MACROD2: variants seen among roughly 807,000 people sequenced by gnomAD.
MACROD2 encodes the protein mono-ADP ribosylhydrolase 2, also known as ADP-ribose glycohydrolase MACROD2.
In MACROD2, 36 loss-of-function variants were observed where a neutral mutation model predicts 70.4. The observed-to-expected ratio is 0.51, with a 90% CI of 0.39 to 0.68. The LOEUF (loss-of-function observed/expected upper bound fraction) is 0.68. Ranked by LOEUF, MACROD2 falls within the 30% of genes least tolerant of loss-of-function variation. The probability of loss-of-function intolerance (pLI) is 0.00; values close to 1 mark genes in which losing one functional copy is unlikely to be tolerated. For synonymous variants in MACROD2, 172 were observed against 178.8 expected (o/e 0.96, Z 0.30); for missense variants, 496 against 538.4 (o/e 0.92, Z 0.78).
At chr20:14,691,042 C>T (rs191992735) in intron 5 of MACROD2, among the ~76,000 whole-genome samples, 5 of 152,324 alleles carry the variant, frequency 3.3e-5, no homozygotes, top group Admixed American at 6.5e-5. Flanking sequence ...CTCATCCTCC[C>T]GAGTAGCTGG....
At chr20:14,345,679 G>A (rs982166628) in intron 3 of MACROD2, among the ~76,000 whole-genome samples, 3 of 152,058 alleles carry the variant, frequency 2.0e-5, no homozygotes, top group African/African-American at 4.8e-5. Flanking sequence ...ATCTGCCAGC[G>A]TTGGCCTCCC....
At chr20:15,794,506 G>A (rs1227256861) in intron 8 of MACROD2, among the ~76,000 whole-genome samples, 5 of 152,120 alleles carry the variant, frequency 3.3e-5, no homozygotes, top group African/African-American at 4.8e-5. Context: ...GTTCCCAAGG[G>A]AATGAATTCT....
intron 3 of MACROD2, among the ~76,000 whole-genome samples, chr20:14,465,260 T>G (rs376734151): frequency 1.3e-5 from 2 of 152,106 alleles, no homozygotes; most frequent in East Asian, 3.9e-4. Flanking sequence ...TAGTTCTTCT[T>G]GTTGAATTGA....
intron 14 of MACROD2, 71 bp from the exon 15 acceptor site, chr20:15,986,995 A>C: frequency 7.4e-7 from 1 of 1,345,278 alleles, no homozygotes; most frequent in Middle Eastern, 1.9e-4. Context: ...TTTCTATACC[A>C]TAGTCACAGT....
intron 5 of MACROD2, among the ~76,000 whole-genome samples, chr20:14,840,503 C>A (rs1264560628): frequency 6.6e-6 from 1 of 152,100 alleles, no homozygotes; most frequent in African/African-American, 2.4e-5. Flanking sequence ...TCTCAAAGTG[C>A]TAGGATTACA....
rs2076920922 is a variant in MACROD2, at chr20:15,227,823, G to GTTTTTGTTTTTTTTTTTT, written c.419-2112_419-2111insGTTTTTTTTTTTTTTTTT. 4.3e-5 allele frequency among the ~76,000 whole-genome samples: 2 copies of GTTTTTGTTTTTTTTTTTT among 46,092 alleles called. 1 individual carries two copies. The allele number at this position is 46,092 out of a possible 152,430, so 30.2% of individuals were successfully genotyped here. A position where few individuals can be genotyped will look rare whatever the true frequency, so the allele number is the denominator to read the frequency against. ...TAACTGGTGTGATAGAATTTCACCTGTTTTTTTTTTTTTTTTTTTTTTTTT... is the reference window on the plus strand; with the variant it reads ...TAACTGGTGTGATAGAATTTCACCTGTTTTTGTTTTTTTTTTTTTTTTTTTTTTTTTTTTTTTTTTTTT... On this transcript the variant is annotated intron_variant, in intron 5 of 17. Coordinates refer to ENST00000684519, the MANE Select transcript of MACROD2 (RefSeq NM_001351661.2).
At chr20:14,661,694 A>T (rs1304605684) in intron 4 of MACROD2, among the ~76,000 whole-genome samples, 2 of 151,744 alleles carry the variant, frequency 1.3e-5, no homozygotes, top group Non-Finnish European at 3.0e-5. Flanking sequence ...ATACACATTT[A>T]AAAAATATAT....
chr20:15,765,515 C>T (rs2051507926), intron 8 of MACROD2, among the ~76,000 whole-genome samples: 1 of 152,122 alleles, frequency 6.6e-6, no homozygotes, highest in Non-Finnish European at 1.5e-5. Flanking sequence ...TAGAAAATGG[C>T]ACAAGCAAAC....
At chr20:14,268,323 A>AT (rs755787993) in intron 3 of MACROD2, among the ~76,000 whole-genome samples, 13 of 152,212 alleles carry the variant, frequency 8.5e-5, no homozygotes, top group Non-Finnish European at 1.8e-4. Flanking sequence ...CAAAAATGTT[A>AT]TTTTCCATTG....
At chr20:15,447,428 A>G (rs77265286) in intron 7 of MACROD2, among the ~76,000 whole-genome samples, 2 of 152,084 alleles carry the variant, frequency 1.3e-5, no homozygotes, top group East Asian at 3.9e-4. Flanking sequence ...TTCTATCTCA[A>G]GTGAGGCAGT....
intron 8 of MACROD2, among the ~76,000 whole-genome samples, chr20:15,742,842 C>T (rs768082098): frequency 6.6e-6 from 1 of 152,148 alleles, no homozygotes; most frequent in African/African-American, 2.4e-5. Flanking sequence ...TCAGCATAAG[C>T]GTGGGCTATT....
intron 2 of MACROD2, among the ~76,000 whole-genome samples, chr20:14,008,572 C>G (rs2052854148): frequency 6.6e-6 from 1 of 152,094 alleles, no homozygotes; most frequent in South Asian, 2.1e-4. Flanking sequence ...CAGTACTATT[C>G]CTATTAAACT....
chr20:14,489,742 C>A (rs2084773041), intron 3 of MACROD2, among the ~76,000 whole-genome samples: 1 of 151,940 alleles, frequency 6.6e-6, no homozygotes, highest in Admixed American at 6.6e-5. Flanking sequence ...GTTTCCCAGA[C>A]TCTTGTGTGT....
chr20:15,190,113 T>C (rs1340201780), intron 5 of MACROD2, among the ~76,000 whole-genome samples: 2 of 152,260 alleles, frequency 1.3e-5, no homozygotes, highest in Non-Finnish European at 2.9e-5. Context: ...AACTATAATG[T>C]ACTCTCAGTT....
At chr20:15,158,986 A>G (rs2145872099) in intron 5 of MACROD2, among the ~76,000 whole-genome samples, 2 of 152,184 alleles carry the variant, frequency 1.3e-5, no homozygotes, top group South Asian at 4.1e-4. Flanking sequence ...TTCTCCCTCA[A>G]ATGCATAGGC....
chr20:15,085,786 C>A (rs1394100217), intron 5 of MACROD2, among the ~76,000 whole-genome samples: 1 of 151,338 alleles, frequency 6.6e-6, no homozygotes, highest in Non-Finnish European at 1.5e-5. Flanking sequence ...TGATTCAAAA[C>A]AAACTCCTAT....
intron 3 of MACROD2, among the ~76,000 whole-genome samples, chr20:14,230,669 C>CA (rs1388842581): frequency 3.2e-5 from 3 of 92,918 alleles, no homozygotes; most frequent in African/African-American, 1.0e-4. Context: ...CAGGCTGGGC[C>CA]TATATATATA....
chr20:15,603,164 A>C (rs1002897841), intron 8 of MACROD2, among the ~76,000 whole-genome samples: 2 of 152,144 alleles, frequency 1.3e-5, no homozygotes, highest in African/African-American at 4.8e-5. Flanking sequence ...TGAAACACTC[A>C]TTAATTTTCT....
At chr20:14,553,106 A>G (rs1978770583) in intron 4 of MACROD2, among the ~76,000 whole-genome samples, 1 of 151,968 alleles carries the variant, frequency 6.6e-6, no homozygotes, top group Non-Finnish European at 1.5e-5. Flanking sequence ...AAACACAAAT[A>G]CATTGTACAG....
Sources: allele counts gnomAD v4.1 joint callset (sites outside exome capture counted in the v4.1 genomes callset), GRCh38; gene constraint gnomAD v4.1.1; transcripts MANE v1.5; gene names NCBI Gene and HGNC (gene_info 2026-07-23, HGNC 2026-07-21).